Variants in FAM53A observed in about 807,000 individuals in gnomAD.
FAM53A encodes the protein family with sequence similarity 53 member A.
A neutral mutation model predicts 26.6 loss-of-function variants in FAM53A; 28 were observed. That is an observed-to-expected ratio of 1.05 (90% CI 0.78 to 1.45). The LOEUF is 1.45. Among genes scored for constraint, FAM53A ranks in the 40% most tolerant of loss-of-function variants. The pLI is 0.00. For missense variants in FAM53A, 650 were observed against 575.8 expected (o/e 1.13, Z -1.32); for synonymous variants, 290 against 253.1 (o/e 1.15, Z -1.38).
chr4:1,595,619 G>T, the FAM53A span, among the ~76,000 whole-genome samples: 5 of 152,222 alleles, frequency 3.3e-5, no homozygotes, highest in Admixed American at 2.0e-4. Flanking sequence ...CTTGTCCTGT[G>T]CACAGACCCC....
intron 1 of FAM53A, among the ~76,000 whole-genome samples, chr4:1,632,740 C>T (rs544205239): frequency 3.9e-5 from 6 of 152,352 alleles, no homozygotes; most frequent in African/African-American, 1.2e-4. Context: ...ATACACACCA[C>T]GCAGGCACAC....
chr4:1,674,299 T>A (rs901419929), intron 1 of FAM53A, among the ~76,000 whole-genome samples: 1 of 152,192 alleles, frequency 6.6e-6, no homozygotes, highest in Non-Finnish European at 1.5e-5. Flanking sequence ...TGTATCGCTA[T>A]CTCTTCTTAT....
At chr4:1,602,052 G>A in the FAM53A span, among the ~76,000 whole-genome samples, 575 of 151,902 alleles carry the variant, frequency 3.8e-3, 5 homozygotes, top group African/African-American at 0.013. Flanking sequence ...GGGGAGATGG[G>A]ACGGTGGGTG....
At chr4:1,643,659 C>G (rs1341462433) in intron 4 of FAM53A, among the ~76,000 whole-genome samples, 2 of 151,304 alleles carry the variant, frequency 1.3e-5, no homozygotes, top group Admixed American at 1.3e-4. Flanking sequence ...CTCGACCTCC[C>G]GGGCTCAAGC....
chr4:1,637,422 G>A (rs913406314), downstream of FAM53A, among the ~76,000 whole-genome samples: 1 of 152,172 alleles, frequency 6.6e-6, no homozygotes, highest in Non-Finnish European at 1.5e-5. Context: ...CAGCCCTCGA[G>A]GGACAGAGGG....
chr4:1,597,179 C>T, the FAM53A span, among the ~76,000 whole-genome samples: 1 of 152,032 alleles, frequency 6.6e-6, no homozygotes, highest in Non-Finnish European at 1.5e-5. Flanking sequence ...AGACACCGGG[C>T]ACCCCTGGGC....
chr4:1,678,954 T>C (rs1281232613), intron 1 of FAM53A, among the ~76,000 whole-genome samples: 1 of 151,952 alleles, frequency 6.6e-6, no homozygotes, highest in African/African-American at 2.4e-5. Context: ...TAGATGACTT[T>C]GGGTTTGGCG....
At chr4:1,592,299 C>T in the FAM53A span, among the ~76,000 whole-genome samples, 1 of 152,220 alleles carries the variant, frequency 6.6e-6, no homozygotes, top group South Asian at 2.1e-4. Context: ...CCAGCCACGT[C>T]CACACGCGGC....
At chr4:1,666,794 C>T (rs899251380) in intron 2 of FAM53A, among the ~76,000 whole-genome samples, 2 of 152,192 alleles carry the variant, frequency 1.3e-5, no homozygotes, top group South Asian at 2.1e-4. Context: ...TGACCAGCCT[C>T]GCCAACATGG....
At chr4:1,679,955 G>A (rs1046846337) in intron 1 of FAM53A, among the ~76,000 whole-genome samples, 3 of 151,428 alleles carry the variant, frequency 2.0e-5, no homozygotes, top group Non-Finnish European at 2.9e-5. Context: ...AGGATGAGGC[G>A]GCAGTTGCAG....
intron 4 of FAM53A, among the ~76,000 whole-genome samples, chr4:1,652,642 G>C (rs1194086294): frequency 8.1e-6 from 1 of 122,750 alleles, no homozygotes; most frequent in Non-Finnish European, 1.7e-5. Context: ...ACACCCACCA[G>C]ACATATCCAA....
rs1455486296 is a variant in FAM53A at position 1,633,091 on chromosome 4, CAT to C, written c.432-14982_432-14981del. ...ATAGGTACACGCTCATGTGCACACA[CAT>C]AGCTTTACACTCATGCTCACAAACA... On this transcript the variant is annotated intron_variant, in intron 1 of 1. Transcript: ENST00000489029. 3.3e-5 allele frequency among the ~76,000 whole-genome samples: 5 copies of C among 152,310 alleles called. No individual in the cohort carries two copies. The East Asian group carries it at 7.7e-4, about 23-fold the overall frequency.
At chr4:1,644,186 C>T in intron 4 of FAM53A, 1 of 1,535,706 alleles carries the variant, frequency 6.5e-7, no homozygotes, top group Non-Finnish European at 8.7e-7. Context: ...GGACGCTACG[C>T]ACCTTCAGGG....
At chr4:1,603,288 G>A in the FAM53A span, among the ~76,000 whole-genome samples, 1 of 152,234 alleles carries the variant, frequency 6.6e-6, no homozygotes, top group Non-Finnish European at 1.5e-5. Flanking sequence ...CGTCACCCAC[G>A]GGGAGGGGAA....
At chr4:1,581,594 T>C in the FAM53A span, among the ~76,000 whole-genome samples, 1 of 152,154 alleles carries the variant, frequency 6.6e-6, no homozygotes, top group African/African-American at 2.4e-5. Context: ...AAATATCTTT[T>C]TTTGTTTTGT....
downstream of FAM53A, among the ~76,000 whole-genome samples, chr4:1,639,086 G>T (rs1431621975): frequency 6.6e-6 from 1 of 152,150 alleles, no homozygotes; most frequent in African/African-American, 2.4e-5. Flanking sequence ...TGCAGCAGAG[G>T]GCCCTGTGGG....
chr4:1,595,205 C>T, the FAM53A span, among the ~76,000 whole-genome samples: 1 of 152,244 alleles, frequency 6.6e-6, no homozygotes, highest in Non-Finnish European at 1.5e-5. Flanking sequence ...CAGGGACCCC[C>T]GCCCACCTCC....
At chr4:1,622,272 G>A (rs1715073371) in intron 1 of FAM53A, among the ~76,000 whole-genome samples, 1 of 152,238 alleles carries the variant, frequency 6.6e-6, no homozygotes, top group African/African-American at 2.4e-5. Flanking sequence ...GACGGTCAGA[G>A]TGCAGCCCCC....
In FAM53A at chr4:1,655,362, G is replaced by C; in HGVS notation, c.498C>G (p.Gly166=). The part of the protein sequence containing the change: ...GGSATRQGSP[G]AVLPRSAVWS... ...ACACAGCACTCCTCGGCAGGACGGC[G>C]CCGGGGCTTCCCTGCCGCGTGGCAC... The change falls in exon 4 of 5, where the codon GGC becomes GGG. Residue 166 remains glycine, a synonymous_variant. Transcript: ENST00000308132. The C allele has an allele frequency of 6.9e-7, 1 of 1,440,596 alleles. No individual in the cohort carries two copies. Among genetic ancestry groups the C allele is most frequent in the Non-Finnish European group, 9.1e-7 (1 of 1,098,238 alleles). The allele number at this position is 1,440,596 out of a possible 1,614,324, so 89.2% of individuals were successfully genotyped here. A position where few individuals can be genotyped will look rare whatever the true frequency, so the allele number is the denominator to read the frequency against.
Sources: allele counts gnomAD v4.1 joint callset (sites outside exome capture counted in the v4.1 genomes callset), GRCh38; gene constraint gnomAD v4.1.1; transcripts MANE v1.5; gene names NCBI Gene and HGNC (gene_info 2026-07-23, HGNC 2026-07-21).